Variants in CSMD1 observed in about 807,000 individuals in gnomAD.
CSMD1 encodes the protein CUB and sushi domain-containing protein 1.
Under a neutral mutation model 417.5 loss-of-function variants are expected in CSMD1, and 213 were observed. That is an observed-to-expected ratio of 0.51 (90% CI 0.46 to 0.57). CSMD1 has a LOEUF of 0.57. CSMD1 is among the 20% of genes least tolerant of loss of function. CSMD1 has a pLI of 0.00. For synonymous variants in CSMD1, 2,862 were observed against 1,736.8 expected, an observed-to-expected ratio of 1.65 and a Z score of -16.11; for missense variants, 6,923 against 4,529.7, an observed-to-expected ratio of 1.53 and a Z score of -15.17.
rs1343470772 is a variant in CSMD1, at chr8:3,052,734, T to C, written c.7475-87A>G. On this transcript the variant is annotated intron_variant, in intron 49 of 69. Transcript: ENST00000635120. ...ACCATTGATTGATTAATCATTATTATTGACTCCATTTTTCATTAAAATTGT... is the reference window on the plus strand; with the variant it reads ...ACCATTGATTGATTAATCATTATTACTGACTCCATTTTTCATTAAAATTGT... 1.4e-5 allele frequency: 13 copies of C among 896,570 alleles called. 1 individual carries two copies. Among genetic ancestry groups the C allele is most frequent in the Non-Finnish European group, 3.2e-6 (2 of 625,738 alleles). 55.5% of individuals were successfully genotyped at this position (896,570 alleles called of 1,614,324 possible). A position where few individuals can be genotyped will look rare whatever the true frequency, so the allele number is the denominator to read the frequency against.
At chr8:4,130,174 C>T (rs546808538) in intron 3 of CSMD1, among the ~76,000 whole-genome samples, 32 of 152,064 alleles carry the variant, frequency 2.1e-4, no homozygotes, top group South Asian at 4.1e-4. Flanking sequence ...ACATCTTTTC[C>T]TTAGTTCTTT....
intron 5 of CSMD1, among the ~76,000 whole-genome samples, chr8:3,985,330 C>A (rs1049787394): frequency 6.6e-6 from 1 of 152,104 alleles, no homozygotes; most frequent in Admixed American, 6.5e-5. Flanking sequence ...TATATGTTTT[C>A]GTTTATTAGG....
chr8:4,267,542 T>C (rs566229565), intron 3 of CSMD1, among the ~76,000 whole-genome samples: 37 of 151,876 alleles, frequency 2.4e-4, no homozygotes, highest in South Asian at 6.2e-4. Flanking sequence ...GCAACTCCAA[T>C]TGTAATAGAA....
At chr8:2,968,137 T>A (rs776354037) in intron 57 of CSMD1, among the ~76,000 whole-genome samples, 3 of 152,236 alleles carry the variant, frequency 2.0e-5, no homozygotes, top group Non-Finnish European at 4.4e-5. Flanking sequence ...ATGATAACTA[T>A]ACTATATATC....
intron 12 of CSMD1, among the ~76,000 whole-genome samples, chr8:3,462,346 G>A (rs1185965800): frequency 6.6e-6 from 1 of 152,134 alleles, no homozygotes; most frequent in African/African-American, 2.4e-5. Flanking sequence ...CCAGGCCAGG[G>A]ACCAGTACTC....
intron 3 of CSMD1, among the ~76,000 whole-genome samples, chr8:4,221,822 C>T (rs561814655): frequency 6.6e-6 from 1 of 152,254 alleles, no homozygotes; most frequent in African/African-American, 2.4e-5. Context: ...TCCTACTTGG[C>T]TCTGAGAATT....
chr8:3,853,568 T>C (rs1460091140), intron 5 of CSMD1, among the ~76,000 whole-genome samples: 7 of 151,934 alleles, frequency 4.6e-5, no homozygotes, highest in Non-Finnish European at 1.0e-4. Context: ...AAAGTGATTA[T>C]GAAAAAAATA....
intron 1 of CSMD1, among the ~76,000 whole-genome samples, chr8:4,739,983 G>C (rs567327988): frequency 6.6e-6 from 1 of 152,158 alleles, no homozygotes; most frequent in South Asian, 2.1e-4. Flanking sequence ...CTGGCCAGCC[G>C]CCTGCCCAGG....
intron 2 of CSMD1, among the ~76,000 whole-genome samples, chr8:4,588,272 C>T (rs1259611664): frequency 6.6e-6 from 1 of 151,890 alleles, no homozygotes; most frequent in Non-Finnish European, 1.5e-5. Flanking sequence ...TTTAGGATTC[C>T]ATTAAATGCT....
intron 3 of CSMD1, among the ~76,000 whole-genome samples, chr8:4,077,990 T>C (rs1799923411): frequency 6.6e-6 from 1 of 152,108 alleles, no homozygotes; most frequent in Non-Finnish European, 1.5e-5. Flanking sequence ...GATTCCTCTT[T>C]CATCTCTCAG....
intron 49 of CSMD1, among the ~76,000 whole-genome samples, chr8:3,078,692 G>T (rs369776409): frequency 6.6e-6 from 1 of 152,136 alleles, no homozygotes; most frequent in Non-Finnish European, 1.5e-5. Flanking sequence ...AAAGACTGAA[G>T]GTCTACGTGG....
At chr8:3,942,769 G>T (rs998809622) in intron 5 of CSMD1, among the ~76,000 whole-genome samples, 1 of 152,004 alleles carries the variant, frequency 6.6e-6, no homozygotes, top group Non-Finnish European at 1.5e-5. Context: ...TTTATTACTG[G>T]TTATTTAAAC....
chr8:3,697,900 GT>G (rs148466002), intron 7 of CSMD1, among the ~76,000 whole-genome samples: 2,949 of 152,200 alleles, frequency 0.019, 87 homozygotes, highest in African/African-American at 0.064. Context: ...CGCAAAGTGA[GT>G]TTTTCCCTTT....
At chr8:4,805,325 A>G (rs1044353164) in intron 1 of CSMD1, among the ~76,000 whole-genome samples, 2 of 152,182 alleles carry the variant, frequency 1.3e-5, no homozygotes, top group Admixed American at 1.3e-4. Context: ...GAACACTTCA[A>G]TATCCTCTGA....
intron 18 of CSMD1, among the ~76,000 whole-genome samples, chr8:3,373,998 G>C (rs1387987227): frequency 6.7e-6 from 1 of 149,018 alleles, no homozygotes; most frequent in South Asian, 2.1e-4. Flanking sequence ...CTTTGCCCAG[G>C]CTGGAGTGCA....
intron 18 of CSMD1, among the ~76,000 whole-genome samples, chr8:3,378,883 G>C (rs888820287): frequency 6.6e-6 from 1 of 152,294 alleles, no homozygotes; most frequent in South Asian, 2.1e-4. Context: ...CACAGTATTG[G>C]AAGTTCTGGC....
At chr8:4,658,689 G>C (rs992882643) in intron 1 of CSMD1, among the ~76,000 whole-genome samples, 6 of 152,014 alleles carry the variant, frequency 3.9e-5, no homozygotes, top group Non-Finnish European at 8.8e-5. Context: ...TACAATCAAA[G>C]TCATTATACT....
intron 28 of CSMD1, among the ~76,000 whole-genome samples, chr8:3,220,400 G>T (rs1030333973): frequency 6.6e-6 from 1 of 152,184 alleles, no homozygotes; most frequent in Non-Finnish European, 1.5e-5. Context: ...GCTGGGCTGT[G>T]TTTGCCATTG....
At chr8:4,762,974 T>C (rs531128231) in intron 1 of CSMD1, among the ~76,000 whole-genome samples, 29 of 152,230 alleles carry the variant, frequency 1.9e-4, no homozygotes, top group Admixed American at 1.4e-3. Flanking sequence ...TGGTGGCGTG[T>C]GGGAGGAGAC....
Sources: gnomAD v4.1 joint callset for allele counts (sites outside exome capture counted in the v4.1 genomes callset) on GRCh38, gnomAD v4.1.1 for gene constraint, MANE v1.5 for transcripts, NCBI Gene and HGNC (gene_info 2026-07-23, HGNC 2026-07-21) for gene names.